Variants in HS6ST3 observed in about 807,000 individuals in gnomAD.
HS6ST3 encodes heparan-sulfate 6-O-sulfotransferase 3.
Under a neutral mutation model 36.7 loss-of-function variants are expected in HS6ST3, and 12 were observed. The ratio of observed to expected loss-of-function variants is 0.33; its 90% CI spans 0.21 to 0.53. HS6ST3 has a LOEUF of 0.53. Among genes scored for constraint, HS6ST3 ranks in the 20% least tolerant of loss-of-function variants. The probability of loss-of-function intolerance (pLI) is 0.95; values close to 1 mark genes in which losing one functional copy is unlikely to be tolerated. For synonymous variants in HS6ST3, 240 were observed against 257.5 expected (o/e 0.93, Z 0.65); for missense variants, 584 against 640.9 (o/e 0.91, Z 0.96).
chr13:96,430,643 C>G (rs1050505400), intron 1 of HS6ST3, among the ~76,000 whole-genome samples: 13 of 152,194 alleles, frequency 8.5e-5, no homozygotes, highest in Non-Finnish European at 1.6e-4. Flanking sequence ...GGACTTCCAG[C>G]CATTCCCTAC....
At chr13:96,488,397 C>T (rs2055926974) in intron 1 of HS6ST3, among the ~76,000 whole-genome samples, 2 of 152,044 alleles carry the variant, frequency 1.3e-5, no homozygotes, top group South Asian at 2.1e-4. Context: ...ATGATACATA[C>T]TATAGTATGT....
At chr13:96,487,714 T>C (rs1352519982) in intron 1 of HS6ST3, among the ~76,000 whole-genome samples, 6 of 152,138 alleles carry the variant, frequency 3.9e-5, no homozygotes, top group Non-Finnish European at 5.9e-5. Context: ...GTGATCAATA[T>C]TTAAACAAAG....
chr13:96,211,560 A>T (rs894791893), intron 1 of HS6ST3, among the ~76,000 whole-genome samples: 1 of 152,240 alleles, frequency 6.6e-6, no homozygotes, highest in South Asian at 2.1e-4. Context: ...TATTATCTAA[A>T]TGTCTTTTAT....
chr13:96,687,357 G>A (rs1188573911), intron 1 of HS6ST3, among the ~76,000 whole-genome samples: 1 of 151,926 alleles, frequency 6.6e-6, no homozygotes, highest in Non-Finnish European at 1.5e-5. Flanking sequence ...TTTTTTGTGT[G>A]TGCGATTTGG....
intron 1 of HS6ST3, among the ~76,000 whole-genome samples, chr13:96,596,880 TG>T (rs1175235930): frequency 1.3e-5 from 2 of 152,112 alleles, no homozygotes; most frequent in African/African-American, 4.8e-5. Flanking sequence ...GACACACACT[TG>T]CATACGTTCA....
In HS6ST3 at chr13:96,112,021, G is replaced by C. The variant is rs192858236; in HGVS notation, c.707+20452G>C. Reference sequence around the variant, plus strand: ...AGTATTCCTGAAGAAGAAAAGTGATGAGGTAGAGTTAGTCCCAGATATAAA... The same window carrying C: ...AGTATTCCTGAAGAAGAAAAGTGATCAGGTAGAGTTAGTCCCAGATATAAA... On this transcript the variant is annotated intron_variant, in intron 1 of 1. Coordinates refer to ENST00000376705, the MANE Select transcript of HS6ST3 (RefSeq NM_153456.4). Among the ~76,000 whole-genome samples the C allele has an allele frequency of 6.6e-5, 10 of 152,308 alleles. No individual in the cohort carries two copies. In the East Asian group the frequency reaches 1.7e-3, roughly 26 times the overall value.
intron 1 of HS6ST3, among the ~76,000 whole-genome samples, chr13:96,787,227 C>T (rs983651618): frequency 6.6e-6 from 1 of 152,088 alleles, no homozygotes; most frequent in African/African-American, 2.4e-5. Flanking sequence ...TTTCATTTCT[C>T]TGGGGTAAAT....
chr13:96,277,033 A>G (rs1400588833), intron 1 of HS6ST3, among the ~76,000 whole-genome samples: 2 of 152,144 alleles, frequency 1.3e-5, no homozygotes, highest in African/African-American at 4.8e-5. Context: ...AATCCTCACA[A>G]CTGGAAAGAA....
intron 1 of HS6ST3, among the ~76,000 whole-genome samples, chr13:96,645,527 T>C (rs1321823246): frequency 6.6e-6 from 1 of 151,166 alleles, no homozygotes; most frequent in Non-Finnish European, 1.5e-5. Context: ...TAATATTGAT[T>C]TGAGAGAGCC....
At chr13:96,485,634 G>A (rs2055910396) in intron 1 of HS6ST3, among the ~76,000 whole-genome samples, 1 of 152,098 alleles carries the variant, frequency 6.6e-6, no homozygotes, top group African/African-American at 2.4e-5. Context: ...GGTGAGAGGG[G>A]ACATGATTAT....
intron 1 of HS6ST3, among the ~76,000 whole-genome samples, chr13:96,208,777 C>T (rs763833833): frequency 1.3e-5 from 2 of 152,098 alleles, no homozygotes; most frequent in Non-Finnish European, 2.9e-5. Context: ...CTTTGATATC[C>T]TCAATTAAAA....
At chr13:96,719,368 A>G (rs903179060) in intron 1 of HS6ST3, among the ~76,000 whole-genome samples, 3 of 152,038 alleles carry the variant, frequency 2.0e-5, no homozygotes, top group African/African-American at 7.2e-5. Flanking sequence ...CAGCAGAAAG[A>G]GCAAGAGAGC....
chr13:96,175,635 T>G (rs546730477), intron 1 of HS6ST3, among the ~76,000 whole-genome samples: 2 of 151,762 alleles, frequency 1.3e-5, no homozygotes, highest in African/African-American at 2.4e-5. Context: ...TTTTGTGTAT[T>G]ATTTTATGTT....
chr13:96,478,470 G>T (rs1248929835), intron 1 of HS6ST3, among the ~76,000 whole-genome samples: 2 of 152,032 alleles, frequency 1.3e-5, no homozygotes. Flanking sequence ...GCTGGCAGGG[G>T]GGTTAAGTAA....
chr13:96,497,990 G>A (rs2055985499), intron 1 of HS6ST3, among the ~76,000 whole-genome samples: 1 of 152,136 alleles, frequency 6.6e-6, no homozygotes, highest in Non-Finnish European at 1.5e-5. Flanking sequence ...ACCATGCAAT[G>A]GAATACAGAT....
intron 1 of HS6ST3, among the ~76,000 whole-genome samples, chr13:96,781,979 T>A (rs1040038065): frequency 6.6e-6 from 1 of 152,200 alleles, no homozygotes; most frequent in African/African-American, 2.4e-5. Context: ...TCCCCCCAAA[T>A]TATATCATGC....
intron 1 of HS6ST3, among the ~76,000 whole-genome samples, chr13:96,260,888 C>T (rs2054663100): frequency 6.6e-6 from 1 of 151,756 alleles, no homozygotes; most frequent in Non-Finnish European, 1.5e-5. Context: ...GATCCGCCCT[C>T]CTTGGCCTCT....
chr13:96,119,791 T>C (rs1033372764), intron 1 of HS6ST3, among the ~76,000 whole-genome samples: 3 of 152,006 alleles, frequency 2.0e-5, no homozygotes, highest in African/African-American at 7.2e-5. Context: ...GAGATAGGGT[T>C]GTTGTGTGAG....
chr13:96,301,014 C>G (rs2139403565), intron 1 of HS6ST3, among the ~76,000 whole-genome samples: 1 of 152,272 alleles, frequency 6.6e-6, no homozygotes, highest in South Asian at 2.1e-4. Flanking sequence ...CTTTCTCTTT[C>G]AAATGAAACA....
Sources: allele counts gnomAD v4.1 joint callset (sites outside exome capture counted in the v4.1 genomes callset), GRCh38; gene constraint gnomAD v4.1.1; transcripts MANE v1.5; gene names NCBI Gene and HGNC (gene_info 2026-07-23, HGNC 2026-07-21).